Variants in FAM118A observed in about 807,000 individuals in gnomAD.
FAM118A encodes the protein protein FAM118A.
Under a neutral mutation model 38.2 loss-of-function variants are expected in FAM118A, and 25 were observed. The ratio of observed to expected loss-of-function variants is 0.65; its 90% CI spans 0.48 to 0.91. FAM118A has a LOEUF of 0.91. FAM118A is among the 40% of genes least tolerant of loss of function. The probability of loss-of-function intolerance (pLI) is 0.00; values close to 1 mark genes in which losing one functional copy is unlikely to be tolerated. For synonymous variants in FAM118A, 178 were observed against 184.1 expected (o/e 0.97, Z 0.27); for missense variants, 425 against 463.3 (o/e 0.92, Z 0.76).
intron 1 of FAM118A, chr22:45,319,033 A>G (rs776485512): frequency 6.6e-6 from 1 of 152,260 alleles, no homozygotes; most frequent in African/African-American, 2.4e-5. Flanking sequence ...GGAGTTAAAT[A>G]TAGCCTGCAA....
At chr22:45,321,376 TGGG>T (rs919312312) in intron 1 of FAM118A, among the ~76,000 whole-genome samples, 19 of 152,156 alleles carry the variant, frequency 1.2e-4, no homozygotes, top group African/African-American at 4.3e-4. Flanking sequence ...TTTCTAGAAT[TGGG>T]GGGAAACGCG....
intron 3 of FAM118A, among the ~76,000 whole-genome samples, chr22:45,325,183 G>A (rs953861465): frequency 2.0e-5 from 3 of 152,198 alleles, no homozygotes; most frequent in Non-Finnish European, 4.4e-5. Context: ...TGTCCTTCAG[G>A]TGAAGAGAGA....
At chr22:45,326,161 C>T (rs2085251030) in intron 3 of FAM118A, among the ~76,000 whole-genome samples, 1 of 151,942 alleles carries the variant, frequency 6.6e-6, no homozygotes, top group South Asian at 2.1e-4. Flanking sequence ...GACCCTGTGT[C>T]CTCCTGAACC....
At chr22:45,337,601 T>C (rs1461506960) in intron 8 of FAM118A, among the ~76,000 whole-genome samples, 2 of 152,090 alleles carry the variant, frequency 1.3e-5, no homozygotes, top group Non-Finnish European at 2.9e-5. Flanking sequence ...ATAAGAAATT[T>C]TTTTTTAAAA....
At chr22:45,340,160 G>A (rs189254705) in intron 8 of FAM118A, among the ~76,000 whole-genome samples, 4 of 152,334 alleles carry the variant, frequency 2.6e-5, no homozygotes, top group Admixed American at 2.0e-4. Context: ...GATTCCCACA[G>A]ATCGTTGCAA....
At chr22:45,325,315 C>T (rs738170) in intron 3 of FAM118A, among the ~76,000 whole-genome samples, 64,674 of 152,088 alleles carry the variant, frequency 0.43, 17,135 homozygotes, top group Non-Finnish European at 0.6. Context: ...GTGAGGCTGT[C>T]GACACAGCTG....
intron 8 of FAM118A, among the ~76,000 whole-genome samples, chr22:45,338,725 A>G (rs1009510803): frequency 9.9e-5 from 15 of 152,250 alleles, no homozygotes; most frequent in African/African-American, 3.4e-4. Context: ...AAATACCTAT[A>G]TAGCAGTCCA....
chr22:45,314,468 G>T (rs1432529659), intron 1 of FAM118A, among the ~76,000 whole-genome samples: 1 of 152,260 alleles, frequency 6.6e-6, no homozygotes, highest in Non-Finnish European at 1.5e-5. Flanking sequence ...CCGGTGGGAA[G>T]GGTATGGGAC....
At chr22:45,334,429 T>A (rs945462288) in intron 6 of FAM118A, among the ~76,000 whole-genome samples, 1 of 152,208 alleles carries the variant, frequency 6.6e-6, no homozygotes, top group Non-Finnish European at 1.5e-5. Context: ...TTTTTGTTGT[T>A]TTTTTAACCA....
intron 4 of FAM118A, chr22:45,329,219 C>T (rs1039837431): frequency 5.3e-5 from 8 of 152,176 alleles, no homozygotes; most frequent in African/African-American, 1.9e-4. Context: ...CTTTTATGTC[C>T]TGTTTTCAAG....
chr22:45,339,880 T>G lies in FAM118A; in HGVS notation c.1055-506T>G, dbSNP rs538829898. The stretch of plus-strand genomic sequence containing the variant: ...GGGGTTTTCTTCAATACCTGTGAGA[T>G]CTGTGCTCCTAGACGCCATCACCTG... On this transcript the variant is annotated intron_variant, in intron 8 of 8. Transcript: ENST00000441876. 2.0e-3 allele frequency among the ~76,000 whole-genome samples: 298 copies of G among 152,202 alleles called. 1 individual carries two copies. Among genetic ancestry groups the G allele is most frequent in the Non-Finnish European group, 3.5e-3 (240 of 68,010 alleles).
intron 3 of FAM118A, among the ~76,000 whole-genome samples, chr22:45,325,195 T>C (rs1272130205): frequency 6.6e-6 from 1 of 152,214 alleles, no homozygotes; most frequent in South Asian, 2.1e-4. Context: ...GAAGAGAGAC[T>C]GTTTGTCTAG....
At chr22:45,323,129 G>GT in intron 2 of FAM118A, 46 bp from the exon 3 acceptor site, 1 of 1,598,102 alleles carries the variant, frequency 6.3e-7, no homozygotes, top group Non-Finnish European at 8.6e-7. Context: ...TGTTTGCAAT[G>GT]TTTCCGCTTT....
rs2086095486 is a variant in FAM118A at position 45,336,341 on chromosome 22, G to C, written c.984G>C (p.Gln328His). Residue 328 changes from glutamine (Q) to histidine (H), a missense_variant, in exon 8 of 9, where the codon CAG becomes CAC. Coordinates refer to ENST00000441876, the MANE Select transcript of FAM118A (RefSeq NM_017911.4). Reference sequence around the variant, plus strand: ...CTTCTCTTTTAGGTAATGCATGCCAGGACTGTGCAAAGAGGAAGTTAGAAG... The same window carrying C: ...CTTCTCTTTTAGGTAATGCATGCCACGACTGTGCAAAGAGGAAGTTAGAAG... Reference protein sequence around the residue: ...DSTTLLGNACQDCAKRKLEEN... With the variant: ...DSTTLLGNACHDCAKRKLEEN... 1.2e-6 allele frequency: 2 copies of C among 1,613,498 alleles called. No homozygotes were observed. The highest frequency in any genetic ancestry group is 1.7e-6 in the Non-Finnish European group (2 of 1,179,612).
intron 1 of FAM118A, among the ~76,000 whole-genome samples, chr22:45,318,227 G>C (rs2084693491): frequency 6.6e-6 from 1 of 152,110 alleles, no homozygotes; most frequent in Non-Finnish European, 1.5e-5. Flanking sequence ...TTTGGCTTTG[G>C]ATTAAAAAAG....
At chr22:45,335,296 G>T (rs1004390795) in intron 6 of FAM118A, 54 bp from the exon 7 acceptor site, 13 of 1,610,056 alleles carry the variant, frequency 8.1e-6, no homozygotes, top group Non-Finnish European at 8.5e-6. Flanking sequence ...GGTGGCCGAG[G>T]AGGACGAGCT....
chr22:45,318,629 A>G (rs1447224455), intron 1 of FAM118A: 1 of 152,170 alleles, frequency 6.6e-6, no homozygotes, highest in African/African-American at 2.4e-5. Context: ...CTGCTGTAAA[A>G]CAGGAAATGA....
chr22:45,312,229 T>G, intron 1 of FAM118A, among the ~76,000 whole-genome samples: 1 of 152,310 alleles, frequency 6.6e-6, no homozygotes, highest in East Asian at 1.9e-4. Context: ...TCAGTTCTGA[T>G]ACTACCTGGA....
intron 4 of FAM118A, chr22:45,328,544 ATTGC>A (rs2085478894): frequency 1.4e-6 from 1 of 715,424 alleles, no homozygotes; most frequent in Non-Finnish European, 2.6e-6. Flanking sequence ...AGGTGGGAGG[ATTGC>A]TTGAGCCCAG....
Sources: gnomAD v4.1 joint callset for allele counts (sites outside exome capture counted in the v4.1 genomes callset) on GRCh38, gnomAD v4.1.1 for gene constraint, MANE v1.5 for transcripts, NCBI Gene and HGNC (gene_info 2026-07-23, HGNC 2026-07-21) for gene names.